ELAPOR1: variants seen among roughly 807,000 people sequenced by gnomAD.
ELAPOR1 encodes the protein endosome-lysosome associated apoptosis and autophagy regulator 1.
A neutral mutation model predicts 119.7 loss-of-function variants in ELAPOR1; 77 were observed. That is an observed-to-expected ratio of 0.64 (90% CI 0.54 to 0.78). The LOEUF (loss-of-function observed/expected upper bound fraction) is 0.78. Ranked by LOEUF, ELAPOR1 falls within the 30% of genes least tolerant of loss-of-function variation. ELAPOR1 has a pLI of 0.00. For synonymous variants in ELAPOR1, 481 were observed against 487.2 expected, an observed-to-expected ratio of 0.99 and a Z score of 0.17; for missense variants, 1,115 against 1,270.4, an observed-to-expected ratio of 0.88 and a Z score of 1.86.
chr1:109,183,576 C>CTTCCTTT (rs777765314), intron 7 of ELAPOR1, among the ~76,000 whole-genome samples: 70,508 of 119,220 alleles, frequency 0.59, 21,401 homozygotes, highest in Non-Finnish European at 0.68. Flanking sequence ...TTCCTTCCTT[C>CTTCCTTT]CTTCCTTCCT....
In ELAPOR1 at chr1:109,163,542, G is replaced by A. The variant is rs146754811; in HGVS notation, c.275-957G>A. Among the ~76,000 whole-genome samples the A allele has an allele frequency of 3.5e-3, 530 of 150,576 alleles. 6 individuals are homozygous for A. The highest frequency in any genetic ancestry group is 0.012 in the African/African-American group (507 of 41,110). On this transcript the variant is annotated intron_variant, in intron 2 of 21. Transcript: ENST00000369939. ...TGAGTAGCTAGGATTACAGGCACAC[G>A]CGACCACTCCCAGCTAATTTAAACA...
intron 1 of ELAPOR1, among the ~76,000 whole-genome samples, chr1:109,125,062 G>A (rs1170912962): frequency 6.6e-6 from 1 of 152,116 alleles, no homozygotes; most frequent in Admixed American, 6.5e-5. Context: ...CTGAGTAACT[G>A]AGATTACAGG....
chr1:109,162,073 T>C lies in ELAPOR1; in HGVS notation c.274+59T>C, dbSNP rs1319265356. On this transcript the variant is annotated intron_variant, in intron 2 of 21. Transcript: ENST00000369939. ...ACTCAGCTTTGGTCTCTCCCCCAAG[T>C]CTCCTGCCATCCAATCTGGGCCCTT... 11 of 1,553,104 alleles carry C rather than the reference T, an allele frequency of 7.1e-6. No individual in the cohort carries two copies. In the East Asian group the frequency reaches 2.3e-4, roughly 32 times the overall value.
chr1:109,175,696 G>A (rs1371326729), intron 7 of ELAPOR1, among the ~76,000 whole-genome samples: 9 of 150,066 alleles, frequency 6.0e-5, no homozygotes, highest in South Asian at 2.1e-4. Flanking sequence ...GCGTGGGGGC[G>A]TGTGCCTGTA....
At chr1:109,189,394 G>A (rs529616375) in intron 10 of ELAPOR1, among the ~76,000 whole-genome samples, 198 bp from the exon 11 acceptor site, 3 of 152,210 alleles carry the variant, frequency 2.0e-5, no homozygotes, top group South Asian at 4.1e-4. Flanking sequence ...AAACATGAGC[G>A]TGCACTTCAA....
intron 1 of ELAPOR1, among the ~76,000 whole-genome samples, chr1:109,131,980 G>C (rs768336293): frequency 2.0e-5 from 3 of 152,182 alleles, no homozygotes; most frequent in Admixed American, 6.5e-5. Flanking sequence ...GTGGTAAGGA[G>C]AAAGATTAGA....
intron 3 of ELAPOR1, among the ~76,000 whole-genome samples, chr1:109,164,967 AG>A (rs1478088012): frequency 6.6e-6 from 1 of 152,180 alleles, no homozygotes; most frequent in African/African-American, 2.4e-5. Flanking sequence ...AAGGGGGGCA[AG>A]GGTTAAATGG....
intron 8 of ELAPOR1, among the ~76,000 whole-genome samples, chr1:109,186,272 TG>T: frequency 2.0e-5 from 3 of 151,738 alleles, no homozygotes; most frequent in Non-Finnish European, 4.4e-5. Context: ...GGAGAAACAG[TG>T]TAAGTGAGCA....
chr1:109,173,452 T>G, intron 5 of ELAPOR1, 22 bp from the exon 6 acceptor site: 1 of 1,594,400 alleles, frequency 6.3e-7, no homozygotes, highest in Non-Finnish European at 8.6e-7. Context: ...GATGAATGAA[T>G]GCTCCTGTTT....
rs762658144 is a variant in ELAPOR1 at position 109,199,833 on chromosome 1, G to C, written c.2502-21G>C. 13 of 1,607,810 alleles carry C rather than the reference G, an allele frequency of 8.1e-6. No individual in the cohort carries two copies. In the South Asian group the frequency reaches 1.4e-4, roughly 18 times the overall value. ...ACCCCTCCAGCGAGTGAGAGCTCAG[G>C]TCTCTTTTCTGCTTTGCTAGAACGT... On this transcript the variant is annotated intron_variant, in intron 18 of 21. Transcript: ENST00000369939.
At position 109,197,509 on chromosome 1, in the gene ELAPOR1, T is replaced by C. The variant is rs1320469184; in HGVS notation, c.2157T>C (p.Thr719=). The C allele has an allele frequency of 3.1e-6, 5 of 1,614,196 alleles. No homozygotes were observed. Among genetic ancestry groups the C allele is most frequent in the South Asian group, 2.2e-5 (2 of 91,088 alleles). ...RKMSVCTDNV[T]DLRIPEGESG... ...TGTCTGTGTGCACCGACAATGTCACTGACCTCCGGATTCCTGAGGGTGAGT... is the reference window on the plus strand; with the variant it reads ...TGTCTGTGTGCACCGACAATGTCACCGACCTCCGGATTCCTGAGGGTGAGT... Residue 719 remains threonine (T), a synonymous_variant, in exon 16 of 22, where the codon ACT becomes ACC. Transcript: ENST00000369939.
intron 1 of ELAPOR1, among the ~76,000 whole-genome samples, chr1:109,150,545 G>A (rs1480962662): frequency 6.6e-6 from 1 of 152,104 alleles, no homozygotes; most frequent in Non-Finnish European, 1.5e-5. Context: ...TAATTACGTG[G>A]GATGACTAAA....
intron 7 of ELAPOR1, among the ~76,000 whole-genome samples, chr1:109,182,742 C>CT (rs1652772206): frequency 1.3e-5 from 2 of 151,994 alleles, no homozygotes; most frequent in Admixed American, 1.3e-4. Context: ...TGGCGGGCGC[C>CT]TGTAGTCCCA....
At chr1:109,134,760 C>G (rs1356230119) in intron 1 of ELAPOR1, among the ~76,000 whole-genome samples, 1 of 152,104 alleles carries the variant, frequency 6.6e-6, no homozygotes. Context: ...CAGTCTTATC[C>G]TAGAGAGGAC....
chr1:109,130,107 C>T (rs1649056086), intron 1 of ELAPOR1, among the ~76,000 whole-genome samples: 1 of 152,212 alleles, frequency 6.6e-6, no homozygotes, highest in Non-Finnish European at 1.5e-5. Flanking sequence ...GTCTCTGGGT[C>T]TTCTCATGGC....
At chr1:109,129,326 A>C (rs1009418178) in intron 1 of ELAPOR1, among the ~76,000 whole-genome samples, 3 of 152,174 alleles carry the variant, frequency 2.0e-5, no homozygotes, top group Non-Finnish European at 4.4e-5. Context: ...CCTGGCCAAC[A>C]TGGTGAAACC....
At chr1:109,119,603 A>T (rs1234804256) in intron 1 of ELAPOR1, among the ~76,000 whole-genome samples, 2 of 151,494 alleles carry the variant, frequency 1.3e-5, no homozygotes, top group African/African-American at 4.9e-5. Flanking sequence ...TTGCTTTTCT[A>T]ACTCAACACT....
In ELAPOR1 at chr1:109,192,765, G is replaced by T; in HGVS notation, c.1838G>T (p.Arg613Leu). ...TGTCCTGCTGGTTACTATATTGACC[G>T]AGATTCAGGAACCTGCCACTCCTGC... Reference protein sequence around the residue: ...TSCPAGYYIDRDSGTCHSCPT... With the variant: ...TSCPAGYYIDLDSGTCHSCPT... The change falls in exon 14 of 22, where the codon CGA (arginine) becomes CTA (leucine). Residue 613 changes from arginine to leucine, a missense_variant. Arg to Leu is a moderately radical substitution (Grantham distance 102). Coordinates refer to ENST00000369939, the MANE Select transcript of ELAPOR1 (RefSeq NM_020775.5). 1 of 1,613,916 alleles carries T rather than the reference G, an allele frequency of 6.2e-7. No individual in the cohort carries two copies. The highest frequency in any genetic ancestry group is 2.2e-5 in the East Asian group (1 of 44,876).
chr1:109,160,269 C>T (rs1177006806), intron 1 of ELAPOR1, among the ~76,000 whole-genome samples: 6 of 150,892 alleles, frequency 4.0e-5, no homozygotes, highest in Admixed American at 6.6e-5. Flanking sequence ...ATCACGCCAC[C>T]GCACTCCAGC....
Sources: allele counts gnomAD v4.1 joint callset (sites outside exome capture counted in the v4.1 genomes callset), GRCh38; gene constraint gnomAD v4.1.1; transcripts MANE v1.5; gene names NCBI Gene and HGNC (gene_info 2026-07-23, HGNC 2026-07-21).